FIG4: variants seen among roughly 807,000 people sequenced by gnomAD.
FIG4 encodes polyphosphoinositide phosphatase.
FIG4 carries 112 observed loss-of-function variants against 118.6 expected under a neutral mutation model. The observed-to-expected ratio is 0.94, with a 90% confidence interval of 0.81 to 1.11. The LOEUF (loss-of-function observed/expected upper bound fraction) is 1.11, where lower values mean the gene tolerates loss of function less well. Among genes scored for constraint, FIG4 ranks in the 50% least tolerant of loss-of-function variants. FIG4 has a pLI of 0.00. For synonymous variants in FIG4, 369 were observed against 381.2 expected, an observed-to-expected ratio of 0.97 and a Z score of 0.37; for missense variants, 969 against 1,111.7, an observed-to-expected ratio of 0.87 and a Z score of 1.83.
chr6:109,809,108 T>C (rs1778651518), intron 22 of FIG4, among the ~76,000 whole-genome samples: 1 of 152,216 alleles, frequency 6.6e-6, no homozygotes, highest in South Asian at 2.1e-4. Context: ...CAAATTTTGT[T>C]GTAGTATCAA....
chr6:109,820,506 G>A (rs9481008), intron 22 of FIG4, among the ~76,000 whole-genome samples: 1,938 of 152,176 alleles, frequency 0.013, 47 homozygotes, highest in African/African-American at 0.045. Flanking sequence ...AAGAGTAGAC[G>A]TGGGAGTTGA....
chr6:109,770,123 A>G (rs1479375969), intron 15 of FIG4, among the ~76,000 whole-genome samples: 2 of 152,196 alleles, frequency 1.3e-5, no homozygotes, highest in Non-Finnish European at 2.9e-5. Flanking sequence ...ATAACTAGTT[A>G]CATAGGGAGT....
chr6:109,697,929 C>T (rs932910886), intron 1 of FIG4, among the ~76,000 whole-genome samples: 1 of 151,736 alleles, frequency 6.6e-6, no homozygotes, highest in African/African-American at 2.4e-5. Context: ...TGCACTGTCG[C>T]CCAGGCTGGA....
At chr6:109,699,605 T>C (rs141227722) in intron 1 of FIG4, among the ~76,000 whole-genome samples, 3,648 of 151,210 alleles carry the variant, frequency 0.024, 89 homozygotes, top group East Asian at 0.11. Context: ...TGGGTTCAAG[T>C]GATTCTCCTG....
At chr6:109,739,971 A>G (rs1776275080) in intron 7 of FIG4, among the ~76,000 whole-genome samples, 5 of 152,174 alleles carry the variant, frequency 3.3e-5, no homozygotes, top group Admixed American at 3.3e-4. Flanking sequence ...AAGATCAGTG[A>G]GATTTATGTG....
intron 1 of FIG4, among the ~76,000 whole-genome samples, chr6:109,709,673 A>G (rs962235552): frequency 2.0e-5 from 3 of 151,738 alleles, no homozygotes; most frequent in Non-Finnish European, 4.4e-5. Flanking sequence ...GAGATCTTTC[A>G]CCTCCCTAGT....
intron 16 of FIG4, among the ~76,000 whole-genome samples, chr6:109,783,152 C>T (rs1777854673): frequency 1.3e-5 from 2 of 152,206 alleles, no homozygotes; most frequent in South Asian, 4.1e-4. Context: ...GTATGAATAG[C>T]TAATGGATGC....
At chr6:109,788,098 G>A (rs1267738511) in intron 18 of FIG4, among the ~76,000 whole-genome samples, 1 of 152,106 alleles carries the variant, frequency 6.6e-6, no homozygotes, top group African/African-American at 2.4e-5. Flanking sequence ...AATGTTCTGA[G>A]CACTTTTAAG....
intron 1 of FIG4, among the ~76,000 whole-genome samples, chr6:109,700,203 G>A (rs998959101): frequency 9.9e-5 from 15 of 152,172 alleles, no homozygotes; most frequent in Admixed American, 5.9e-4. Flanking sequence ...AATTTATGCC[G>A]TTGACTTAAT....
intron 8 of FIG4, 62 bp from the exon 9 acceptor site, chr6:109,743,048 A>G (rs1776372518): frequency 4.5e-6 from 6 of 1,343,704 alleles, no homozygotes; most frequent in Middle Eastern, 1.8e-4. Context: ...ACTTCATTGA[A>G]AGTTATTTCA....
Position 109,691,513 on chromosome 6 carries a change from C to A in FIG4, c.66+12C>A. ...ATGAGACTAGAGCTGTGAGTACCCC[C>A]TCGCGGCGGGGCGCAGGCGGGAGGA... On this transcript the variant is annotated intron_variant, in intron 1 of 22. Coordinates refer to ENST00000230124, the MANE Select transcript of FIG4 (RefSeq NM_014845.6). The A allele has an allele frequency of 1.9e-6, 3 of 1,569,318 alleles. No homozygotes were observed. The highest frequency in any genetic ancestry group is 2.6e-6 in the Non-Finnish European group (3 of 1,156,398).
At chr6:109,758,667 A>G (rs749119442) in intron 10 of FIG4, among the ~76,000 whole-genome samples, 4 of 152,232 alleles carry the variant, frequency 2.6e-5, no homozygotes, top group Non-Finnish European at 5.9e-5. Flanking sequence ...CAGAGTGAAC[A>G]GGCAGCCTAC....
At chr6:109,751,209 A>G (rs1266395939) in intron 10 of FIG4, among the ~76,000 whole-genome samples, 1 of 152,208 alleles carries the variant, frequency 6.6e-6, no homozygotes, top group Non-Finnish European at 1.5e-5. Context: ...TTCTAAGTGA[A>G]GGCTTGATCA....
intron 10 of FIG4, among the ~76,000 whole-genome samples, chr6:109,753,625 G>C (rs1388120420): frequency 6.6e-6 from 1 of 152,164 alleles, no homozygotes; most frequent in Admixed American, 6.5e-5. Flanking sequence ...CCGTTAAGCA[G>C]TGGTTTGTAG....
chr6:109,801,283 C>G (rs1045406722), intron 22 of FIG4, among the ~76,000 whole-genome samples: 6 of 152,162 alleles, frequency 3.9e-5, no homozygotes, highest in African/African-American at 1.4e-4. Flanking sequence ...CGTGGTGGCT[C>G]ACACCTGTAA....
chr6:109,823,282 T>G (rs1380673339), intron 22 of FIG4, among the ~76,000 whole-genome samples: 1 of 152,136 alleles, frequency 6.6e-6, no homozygotes, highest in African/African-American at 2.4e-5. Flanking sequence ...TGTCACTGAC[T>G]CTCTTCCTAT....
intron 17 of FIG4, 87 bp downstream of exon 17, chr6:109,785,115 A>G (rs777918720): frequency 3.8e-6 from 3 of 795,922 alleles, no homozygotes; most frequent in Admixed American, 1.8e-5. Context: ...TCCTTTGCAC[A>G]TAGTATTTTA....
At chr6:109,814,451 T>A (rs1776631404) in intron 22 of FIG4, among the ~76,000 whole-genome samples, 1 of 152,166 alleles carries the variant, frequency 6.6e-6, no homozygotes, top group Non-Finnish European at 1.5e-5. Context: ...CTAATGATTT[T>A]TTTTTTATCC....
intron 22 of FIG4, among the ~76,000 whole-genome samples, chr6:109,814,946 T>G (rs1333314403): frequency 6.6e-6 from 1 of 152,156 alleles, no homozygotes; most frequent in Non-Finnish European, 1.5e-5. Flanking sequence ...ATTCACAAAT[T>G]TATGTGTACA....
Sources: allele counts gnomAD v4.1 joint callset (sites outside exome capture counted in the v4.1 genomes callset), GRCh38; gene constraint gnomAD v4.1.1; transcripts MANE v1.5; gene names NCBI Gene and HGNC (gene_info 2026-07-23, HGNC 2026-07-21).